The following LVRN variants were observed in gnomAD, a reference collection of about 807,000 sequenced individuals.
LVRN encodes laeverin, also known as aminopeptidase Q.
Under a neutral mutation model 111.4 loss-of-function variants are expected in LVRN, and 99 were observed. That is an observed-to-expected ratio of 0.89 (90% CI 0.76 to 1.05). The LOEUF (loss-of-function observed/expected upper bound fraction) is 1.05. Ranked by LOEUF, LVRN falls within the 50% of genes least tolerant of loss-of-function variation. The pLI, the probability that LVRN is intolerant of heterozygous loss-of-function variation, is 0.00. For synonymous variants in LVRN, 488 were observed against 449.5 expected (o/e 1.09, Z -1.08); for missense variants, 1,414 against 1,206.8 (o/e 1.17, Z -2.54).
At chr5:115,984,737 G>A (rs1747815218) in intron 3 of LVRN, 28 bp downstream of exon 3, 6 of 1,612,376 alleles carry the variant, frequency 3.7e-6, no homozygotes, top group South Asian at 1.1e-5. Context: ...TGTAGGTAAG[G>A]GAGATTGTAC....
In LVRN at chr5:116,002,845, A is replaced by G; in HGVS notation, c.1831A>G (p.Ile611Val). 1 of 1,607,146 alleles carries G rather than the reference A, an allele frequency of 6.2e-7. No homozygotes were observed. Among genetic ancestry groups the G allele is most frequent in the African/African-American group, 1.3e-5 (1 of 74,870 alleles). The change falls in exon 11 of 20, where the codon ATT becomes GTT. Residue 611 changes from isoleucine to valine, a missense_variant. Physicochemically the swap from Ile to Val is conservative, Grantham distance 29. Coordinates refer to ENST00000357872, the MANE Select transcript of LVRN (RefSeq NM_173800.5). ...TTTTCTTCCAATAAGTGACACATGG[A>G]TTGTCCCTATTCTTTGGATAAAAAA... ...RTLLTSNDTW[I>V]VPILWIKNGT...
chr5:115,973,690 C>T (rs919260095), intron 1 of LVRN, among the ~76,000 whole-genome samples: 1 of 152,060 alleles, frequency 6.6e-6, no homozygotes, highest in East Asian at 1.9e-4. Flanking sequence ...TGTGTAAGTA[C>T]AAAATTGTTC....
intron 15 of LVRN, among the ~76,000 whole-genome samples, chr5:116,013,200 A>G (rs573785316): frequency 6.6e-6 from 1 of 152,306 alleles, no homozygotes; most frequent in Non-Finnish European, 1.5e-5. Flanking sequence ...AAATATACAA[A>G]GTATGATTAT....
chr5:115,973,263 C>G (rs977695928), intron 1 of LVRN, among the ~76,000 whole-genome samples: 1 of 152,154 alleles, frequency 6.6e-6, no homozygotes, highest in African/African-American at 2.4e-5. Flanking sequence ...TCCAGTTGTT[C>G]TTGATGCATT....
chr5:116,004,926 C>A (rs1025139942), intron 12 of LVRN, among the ~76,000 whole-genome samples: 4 of 152,144 alleles, frequency 2.6e-5, no homozygotes, highest in Admixed American at 6.5e-5. Flanking sequence ...AGGCCACTTA[C>A]AATAATATTT....
rs1748747690 is a variant in LVRN, at chr5:116,022,394, T to C, written c.2760T>C (p.Tyr920=). 1.9e-6 allele frequency: 3 copies of C among 1,578,900 alleles called. No homozygotes were observed. The highest frequency in any genetic ancestry group is 2.6e-6 in the Non-Finnish European group (3 of 1,154,800). Residue 920 remains tyrosine (Y), a synonymous_variant, in exon 19 of 20, where the codon TAT becomes TAC. Transcript: ENST00000357872. The part of the protein sequence containing the change: ...VNNWQAVSKR[Y]GTQSLINLIY... ...TTAACATCTTATTGCCTTGTAGGTA[T>C]GGAACACAATCATTGATTAATCTAA...
At chr5:115,985,830 G>C (rs1412386425) in intron 3 of LVRN, among the ~76,000 whole-genome samples, 2 of 152,158 alleles carry the variant, frequency 1.3e-5, no homozygotes, top group African/African-American at 2.4e-5. Context: ...CTATTATAGC[G>C]GGCCTTAGGC....
Position 116,011,741 on chromosome 5 carries a change from G to A in LVRN, c.2248-633G>A, listed in dbSNP as rs560046235. Among the ~76,000 whole-genome samples, 96 of 152,272 alleles carry A rather than the reference G, an allele frequency of 6.3e-4. No individual in the cohort carries two copies. The Middle Eastern group carries it at 0.017, about 27-fold the overall frequency. ...AATTTTGGTGGGATTGAGGAGGCTC[G>A]TTGATAACATCTGATGACTTGTTCT... On this transcript the variant is annotated intron_variant, in intron 14 of 19. Coordinates refer to ENST00000357872, the MANE Select transcript of LVRN (RefSeq NM_173800.5).
chr5:116,015,453 T>G (rs10214076), intron 17 of LVRN, 34 bp downstream of exon 17: 959,350 of 1,529,668 alleles, frequency 0.63, 302,845 homozygotes, highest in Admixed American at 0.75. Context: ...AAAGTTTCTG[T>G]TATAGGAATT....
chr5:115,985,960 G>C (rs1418307958), intron 3 of LVRN, among the ~76,000 whole-genome samples: 1 of 150,978 alleles, frequency 6.6e-6, no homozygotes, highest in Non-Finnish European at 1.5e-5. Flanking sequence ...CCATTGACAT[G>C]TGGAGAAAAG....
At chr5:116,025,370 C>A (rs534322945) in intron 19 of LVRN, among the ~76,000 whole-genome samples, 1 of 152,102 alleles carries the variant, frequency 6.6e-6, no homozygotes, top group African/African-American at 2.4e-5. Flanking sequence ...AAAAGAGACT[C>A]GGTAAAATGA....
chr5:116,005,808 G>A, intron 12 of LVRN, 104 bp from the exon 13 acceptor site: 1 of 889,172 alleles, frequency 1.1e-6, no homozygotes, highest in South Asian at 1.3e-5. Flanking sequence ...GTCACGTGAA[G>A]GTGCTTTATA....
chr5:115,993,859 G>C lies in LVRN; in HGVS notation c.1374+5G>C. 1 of 1,505,694 alleles carries C rather than the reference G, an allele frequency of 6.6e-7. No homozygotes were observed. Among genetic ancestry groups the C allele is most frequent in the Non-Finnish European group, 9.1e-7 (1 of 1,102,042 alleles). The allele number at this position is 1,505,694 out of a possible 1,614,324, so 93.3% of individuals were successfully genotyped here. On this transcript the variant is annotated splice_donor_5th_base_variant and intron_variant, in intron 6 of 19. Transcript: ENST00000357872. ...TTTAATCCTAAACTCCCAAGAGTAA[G>C]TATGTTTACTAAGTTTATTTAACAT...
At chr5:115,974,655 AC>A (rs1159095179) in intron 1 of LVRN, 1 of 157,504 alleles carries the variant, frequency 6.3e-6, no homozygotes, top group East Asian at 1.8e-4. Context: ...TTTGGTGGCA[AC>A]CCTCAAATCA....
In LVRN at chr5:116,022,433, G is replaced by C. The variant is rs1218260245; in HGVS notation, c.2799G>C (p.Gly933=). ...QSLINLIYTI[G]RTVTTDLQIV... The stretch of plus-strand genomic sequence containing the variant: ...TGATTAATCTAATATATACAATAGG[G>C]AGAACCGTAACTACAGATTTACAGA... Residue 933 remains glycine (G), a synonymous_variant, in exon 19 of 20, where the codon GGG becomes GGC. Transcript: ENST00000357872. 2 of 1,563,320 alleles carry C rather than the reference G, an allele frequency of 1.3e-6. No individual in the cohort carries two copies. Among genetic ancestry groups the C allele is most frequent in the Non-Finnish European group, 1.7e-6 (2 of 1,145,926 alleles).
chr5:115,982,028 G>A (rs1320750589), intron 1 of LVRN, among the ~76,000 whole-genome samples: 1 of 152,210 alleles, frequency 6.6e-6, no homozygotes, highest in Non-Finnish European at 1.5e-5. Context: ...ATGGAGTGGA[G>A]TAGGGTCTTA....
intron 1 of LVRN, among the ~76,000 whole-genome samples, chr5:115,972,423 T>C (rs559223303): frequency 6.6e-5 from 10 of 151,800 alleles, no homozygotes; most frequent in African/African-American, 1.9e-4. Context: ...TTTTGCTTGT[T>C]GATCTTGTAT....
chr5:116,020,451 G>A (rs916507297), intron 18 of LVRN, among the ~76,000 whole-genome samples: 8 of 152,284 alleles, frequency 5.3e-5, no homozygotes, highest in Non-Finnish European at 7.4e-5. Flanking sequence ...AGAATACAGA[G>A]CATGATCAGT....
chr5:115,971,624 A>G (rs961642623), intron 1 of LVRN, among the ~76,000 whole-genome samples: 4 of 151,998 alleles, frequency 2.6e-5, no homozygotes, highest in Non-Finnish European at 5.9e-5. Context: ...TCAGTTTTTC[A>G]TATATATATG....
Sources: gnomAD v4.1 joint callset for allele counts (sites outside exome capture counted in the v4.1 genomes callset) on GRCh38, gnomAD v4.1.1 for gene constraint, MANE v1.5 for transcripts, NCBI Gene and HGNC (gene_info 2026-07-23, HGNC 2026-07-21) for gene names.